AK8: variants seen among roughly 807,000 people sequenced by gnomAD.
AK8 encodes the protein adenylate kinase 8, also known as ATP-AMP transphosphorylase 8.
AK8 carries 44 observed loss-of-function variants against 54.6 expected under a neutral mutation model. The observed-to-expected ratio is 0.81, with a 90% CI of 0.63 to 1.04. The LOEUF (loss-of-function observed/expected upper bound fraction) is 1.04. Among genes scored for constraint, AK8 ranks in the 50% least tolerant of loss-of-function variants. AK8 has a pLI of 0.00. For missense variants in AK8, 555 were observed against 613.6 expected, an observed-to-expected ratio of 0.90 and a Z score of 1.01; for synonymous variants, 239 against 245.6, an observed-to-expected ratio of 0.97 and a Z score of 0.25.
intron 11 of AK8, among the ~76,000 whole-genome samples, chr9:132,738,696 A>G: frequency 6.6e-6 from 1 of 151,870 alleles, no homozygotes; most frequent in East Asian, 1.9e-4. Flanking sequence ...TCCAGGAGAT[A>G]CACTTGGTCA....
intron 11 of AK8, among the ~76,000 whole-genome samples, chr9:132,777,681 G>A (rs1158525078): frequency 1.3e-5 from 2 of 152,202 alleles, no homozygotes; most frequent in Non-Finnish European, 2.9e-5. Flanking sequence ...CTTAGAAAGG[G>A]TAAGTAGCCG....
chr9:132,836,929 G>T (rs962836266), intron 5 of AK8, among the ~76,000 whole-genome samples: 12 of 152,224 alleles, frequency 7.9e-5, no homozygotes, highest in African/African-American at 2.7e-4. Flanking sequence ...GTGGCACAAC[G>T]TCTGGCAGAT....
At chr9:132,733,145 A>G (rs1275925446) in intron 11 of AK8, among the ~76,000 whole-genome samples, 1 of 152,148 alleles carries the variant, frequency 6.6e-6, no homozygotes, top group Non-Finnish European at 1.5e-5. Flanking sequence ...TGAAAAGCCC[A>G]TGAAAAGCCA....
chr9:132,797,199 C>T (rs1220505539), intron 10 of AK8, among the ~76,000 whole-genome samples: 3 of 151,882 alleles, frequency 2.0e-5, no homozygotes, highest in African/African-American at 7.3e-5. Flanking sequence ...CCAATGCCCA[C>T]CCCATGAAAG....
intron 11 of AK8, among the ~76,000 whole-genome samples, chr9:132,750,948 G>T (rs1227820190): frequency 1.3e-5 from 2 of 152,008 alleles, no homozygotes; most frequent in Admixed American, 6.6e-5. Context: ...CTATGGAAAA[G>T]AACCCAGGGT....
Position 132,749,781 on chromosome 9 carries a change from G to A in AK8, c.1122-22247C>T, listed in dbSNP as rs961840328. Among the ~76,000 whole-genome samples the A allele has an allele frequency of 2.0e-5, 3 of 151,676 alleles. No individual in the cohort carries two copies. The East Asian group carries it at 5.8e-4, about 29-fold the overall frequency. On this transcript the variant is annotated intron_variant, in intron 11 of 12. Coordinates refer to ENST00000298545, the MANE Select transcript of AK8 (RefSeq NM_152572.3). ...TCGATATGAAAATCCTCTTGCAGGG[G>A]TGGACTGGAGCTGAGGGCACTTGAA...
intron 11 of AK8, among the ~76,000 whole-genome samples, chr9:132,783,526 A>G (rs943539460): frequency 2.6e-5 from 4 of 151,824 alleles, no homozygotes; most frequent in African/African-American, 9.7e-5. Context: ...CCATCTTGGG[A>G]CCCAGTTATA....
chr9:132,861,043 G>C (rs1843365549), intron 4 of AK8, among the ~76,000 whole-genome samples: 2 of 152,206 alleles, frequency 1.3e-5, no homozygotes, highest in Non-Finnish European at 2.9e-5. Context: ...AGCAGGGGAT[G>C]GATCCATGGG....
chr9:132,755,008 A>C (rs1472468343), intron 11 of AK8, among the ~76,000 whole-genome samples: 1 of 152,156 alleles, frequency 6.6e-6, no homozygotes, highest in Non-Finnish European at 1.5e-5. Context: ...CATGTTGGCC[A>C]GGCTGGTCTC....
chr9:132,848,980 C>G (rs1460955386), intron 5 of AK8, among the ~76,000 whole-genome samples: 1 of 147,990 alleles, frequency 6.8e-6, no homozygotes, highest in Non-Finnish European at 1.5e-5. Context: ...GTGATCTCGG[C>G]TCACTGCAAC....
intron 11 of AK8, among the ~76,000 whole-genome samples, chr9:132,757,140 G>A (rs1375186906): frequency 6.6e-6 from 1 of 151,858 alleles, no homozygotes; most frequent in Non-Finnish European, 1.5e-5. Flanking sequence ...GAATGCGTGT[G>A]TCCAGGGGCA....
chr9:132,849,425 CGTT>C (rs1474901155), intron 5 of AK8, among the ~76,000 whole-genome samples: 6 of 152,114 alleles, frequency 3.9e-5, no homozygotes, highest in Admixed American at 3.3e-4. Context: ...AGAGCTGAGT[CGTT>C]GTGACAGAAG....
intron 11 of AK8, among the ~76,000 whole-genome samples, chr9:132,786,795 G>A (rs780377653): frequency 7.2e-5 from 11 of 151,782 alleles, no homozygotes; most frequent in African/African-American, 2.7e-4. Context: ...ATAAGACCAA[G>A]ACAAACAAAA....
intron 10 of AK8, among the ~76,000 whole-genome samples, chr9:132,814,278 CAAAAAA>C (rs71376658): frequency 1.6e-5 from 1 of 63,898 alleles, no homozygotes; most frequent in South Asian, 7.0e-4. Context: ...TACCCTGTCT[CAAAAAA>C]AAAAAAAAAA....
chr9:132,821,858 CAT>C (rs1433856171), intron 9 of AK8, among the ~76,000 whole-genome samples: 26 of 49,364 alleles, frequency 5.3e-4, no homozygotes, highest in Non-Finnish European at 6.2e-4. Flanking sequence ...CAAATATATA[CAT>C]ATATGTGTAT....
At chr9:132,798,454 ATTTACCCT>A (rs1840282575) in intron 10 of AK8, among the ~76,000 whole-genome samples, 1 of 152,120 alleles carries the variant, frequency 6.6e-6, no homozygotes, top group Admixed American at 6.5e-5. Context: ...AATGCTGTCC[ATTTACCCT>A]TTCTCCTCCT....
At chr9:132,872,468 T>A (rs886958667) in intron 2 of AK8, among the ~76,000 whole-genome samples, 33 of 151,558 alleles carry the variant, frequency 2.2e-4, no homozygotes, top group African/African-American at 7.8e-4. Context: ...ATCGAGCACA[T>A]TTTTTTTTAG....
chr9:132,740,722 C>T (rs749482802), intron 11 of AK8, among the ~76,000 whole-genome samples: 2 of 152,190 alleles, frequency 1.3e-5, no homozygotes, highest in East Asian at 1.9e-4. Flanking sequence ...CCCCCCCGCC[C>T]CACTCTGGGG....
intron 11 of AK8, among the ~76,000 whole-genome samples, chr9:132,783,587 AAAAG>A (rs1226670190): frequency 2.6e-5 from 4 of 152,100 alleles, no homozygotes; most frequent in Admixed American, 1.3e-4. Context: ...AAAAAAAAAA[AAAAG>A]AGAGAGAGAC....
Sources: allele counts gnomAD v4.1 joint callset (sites outside exome capture counted in the v4.1 genomes callset), GRCh38; gene constraint gnomAD v4.1.1; transcripts MANE v1.5; gene names NCBI Gene and HGNC (gene_info 2026-07-23, HGNC 2026-07-21).